The following SEC16A variants were observed in gnomAD, a reference collection of about 807,000 sequenced individuals.
SEC16A encodes SEC16 homolog A, endoplasmic reticulum export factor.
A neutral mutation model predicts 221.9 loss-of-function variants in SEC16A; 110 were observed. That is an observed-to-expected ratio of 0.50 (90% confidence interval 0.42 to 0.58). SEC16A has a LOEUF of 0.58. SEC16A is among the 20% of genes least tolerant of loss of function. The probability of loss-of-function intolerance (pLI) is 0.00; values close to 1 mark genes in which losing one functional copy is unlikely to be tolerated. For synonymous variants in SEC16A, 1,393 were observed against 1,257.7 expected, an observed-to-expected ratio of 1.11 and a Z score of -2.28; for missense variants, 3,165 against 3,097.8, an observed-to-expected ratio of 1.02 and a Z score of -0.52.
At chr9:136,483,479 GC>G (rs1361985145), upstream of SEC16A, 4 of 518,892 alleles carry the variant, frequency 7.7e-6, no homozygotes, top group Middle Eastern at 1.0e-3. Context: ...CCGTGGCCCC[GC>G]CCCCCTCCGG....
Position 136,456,082 on chromosome 9 carries a change from G to A in SEC16A, c.5635C>T (p.His1879Tyr). The A allele has an allele frequency of 6.2e-7, 1 of 1,613,010 alleles. No individual in the cohort carries two copies. The highest frequency in any genetic ancestry group is 1.1e-5 in the South Asian group (1 of 91,026). ...ESLAAPTWLV[H>Y]LQQVERQIKE... ...ATCTGCCGCTCCACCTGCTGCAGGTGAACCAGCCACGTGGGTGCGGCCAAG... is the reference window on the plus strand; with the variant it reads ...ATCTGCCGCTCCACCTGCTGCAGGTAAACCAGCCACGTGGGTGCGGCCAAG... The change falls in exon 19 of 32, where the codon CAC becomes TAC. Residue 1879 changes from histidine to tyrosine, a missense_variant. By Grantham distance (83) the His-to-Tyr change is moderately conservative. Coordinates refer to ENST00000684901, the MANE Select transcript of SEC16A (RefSeq NM_014866.2).
intron 29 of SEC16A, among the ~76,000 whole-genome samples, chr9:136,445,378 T>C (rs1836820933): frequency 6.6e-6 from 1 of 152,174 alleles, no homozygotes; most frequent in Non-Finnish European, 1.5e-5. Context: ...CACCTCACAA[T>C]TCAAGACAAT....
At position 136,463,739 on chromosome 9, in the gene SEC16A, G is replaced by A. The variant is rs774523830; in HGVS notation, c.4448C>T (p.Ala1483Val). The A allele has an allele frequency of 4.3e-6, 7 of 1,611,706 alleles. No homozygotes were observed. The African/African-American group carries it at 9.3e-5, about 22-fold the overall frequency. ...PALVEVHSME[A>V]LLQHTSEQEE... ...CTGCTCAGACGTGTGCTGCAGCAAG[G>A]CCTACGAGGAGAGGGCCGTGGGTCA... is the stretch of plus-strand genomic sequence containing the variant. Residue 1483 changes from alanine (A) to valine (V), a missense_variant and splice_region_variant, in exon 10 of 32, where the codon GCC (alanine) becomes GTC (valine). Physicochemically the swap from Ala to Val is moderately conservative, Grantham distance 64. This residue lies in a region of SEC16A where 47 missense variants were observed against 85.0 expected (regional missense o/e 0.55). Transcript: ENST00000684901.
At chr9:136,449,161 G>A (rs528019262) in intron 23 of SEC16A, among the ~76,000 whole-genome samples, 10 of 152,032 alleles carry the variant, frequency 6.6e-5, no homozygotes, top group Non-Finnish European at 1.2e-4. Flanking sequence ...AGTGTGTGTC[G>A]GAGGCAGATA....
chr9:136,463,779 G>A (rs749228024), intron 9 of SEC16A, 39 bp from the exon 10 acceptor site: 33 of 1,608,352 alleles, frequency 2.1e-5, no homozygotes, highest in Middle Eastern at 2.2e-4. Context: ...CAGCCAGTGC[G>A]CAGCCACCCT....
At chr9:136,482,099 G>A (rs1326148098) in intron 1 of SEC16A, among the ~76,000 whole-genome samples, 1 of 152,182 alleles carries the variant, frequency 6.6e-6, no homozygotes, top group Non-Finnish European at 1.5e-5. Context: ...CAAGGAACAA[G>A]AAAGACACGC....
chr9:136,477,092 G>A lies in SEC16A; in HGVS notation c.524C>T (p.Pro175Leu), dbSNP rs753596031. Reference protein sequence around the residue: ...VDPETSHGGHPHGNMPGLDRP... With the variant: ...VDPETSHGGHLHGNMPGLDRP... ...GTCGAGCCCAGGCATGTTCCCATGA[G>A]GGTGGCCCCCATGAGACGTTTCAGG... Residue 175 changes from proline (P) to leucine (L), a missense_variant, in exon 3 of 32, where the codon CCT (proline) becomes CTT (leucine). Physicochemically the swap from Pro to Leu is moderately conservative, Grantham distance 98. Coordinates refer to ENST00000684901, the MANE Select transcript of SEC16A (RefSeq NM_014866.2). The A allele has an allele frequency of 6.2e-7, 1 of 1,613,864 alleles. No individual in the cohort carries two copies. The highest frequency in any genetic ancestry group is 1.7e-5 in the Admixed American group (1 of 60,022).
chr9:136,444,215 C>A (rs1368663584), intron 30 of SEC16A: 2 of 210,080 alleles, frequency 9.5e-6, no homozygotes, highest in Non-Finnish European at 1.9e-5. Context: ...CTCTAAGGCT[C>A]CAGCCATGAC....
chr9:136,484,246 C>G, upstream of SEC16A: 4 of 596,686 alleles, frequency 6.7e-6, no homozygotes, highest in Non-Finnish European at 8.8e-6. Context: ...ACGTCGGTGG[C>G]GAGTGGGCCC....
In SEC16A at chr9:136,474,970, G is replaced by A. The variant is rs1456516936; in HGVS notation, c.2646C>T (p.Asn882=). Residue 882 remains asparagine, a synonymous_variant, in exon 3 of 32, where the codon AAC becomes AAT. Coordinates refer to ENST00000684901, the MANE Select transcript of SEC16A (RefSeq NM_014866.2). ...TGGTTGGAATCCCAGACAAAGAAGT[G>A]TTCTCCCCAGAATCACCACCGAGAG... The part of the protein sequence containing the change: ...SWALGGDSGE[N]TSLSGIPTSS... The A allele has an allele frequency of 1.3e-6, 2 of 1,599,460 alleles. No individual in the cohort carries two copies. The highest frequency in any genetic ancestry group is 1.7e-6 in the Non-Finnish European group (2 of 1,172,156).
chr9:136,475,066 C>G lies in SEC16A; in HGVS notation c.2550G>C (p.Ser850=), dbSNP rs750113232. Residue 850 remains serine (S), a synonymous_variant, in exon 3 of 32, where the codon TCG becomes TCC. Transcript: ENST00000684901. The surrounding 1 kb of genome is among the most constrained non-coding windows in gnomAD (Gnocchi z 5.0). ...AQPINFSVSL[S]NSHEKNQSWR... is the part of the protein sequence containing the mutation. ...AGGACTGATTCTTCTCATGAGAGTTCGATAAGGACACAGAAAAGTTAATGG... is the reference window on the plus strand; with the variant it reads ...AGGACTGATTCTTCTCATGAGAGTTGGATAAGGACACAGAAAAGTTAATGG... 1.2e-6 allele frequency: 2 copies of G among 1,613,386 alleles called. No individual in the cohort carries two copies. Among genetic ancestry groups the G allele is most frequent in the South Asian group, 1.1e-5 (1 of 91,038 alleles).
At chr9:136,483,848 C>T (rs1015736800), upstream of SEC16A, 9 of 968,712 alleles carry the variant, frequency 9.3e-6, no homozygotes, top group African/African-American at 1.4e-4. Flanking sequence ...CGCGGAGGGC[C>T]GACTGCGCCT....
chr9:136,469,302 C>G (rs748326303), intron 4 of SEC16A, among the ~76,000 whole-genome samples: 6 of 152,346 alleles, frequency 3.9e-5, no homozygotes, highest in East Asian at 1.9e-4. Flanking sequence ...CCACCTCCCC[C>G]TCAGGTCTCC....
chr9:136,460,431 G>A (rs1221457447), intron 13 of SEC16A, among the ~76,000 whole-genome samples: 1 of 151,884 alleles, frequency 6.6e-6, no homozygotes, highest in African/African-American at 2.4e-5. Flanking sequence ...CTCTAGCCTG[G>A]GTGACAGAGC....
rs1841307620 is a variant in SEC16A, at chr9:136,474,255, T to C, written c.3361A>G (p.Ser1121Gly). The C allele has an allele frequency of 2.5e-6, 4 of 1,608,796 alleles. No individual in the cohort carries two copies. Among genetic ancestry groups the C allele is most frequent in the East Asian group, 2.2e-5 (1 of 44,754 alleles). ...QLPPRPPQSS[S>G]VSLVSSGSGQ... Reference sequence around the variant, plus strand: ...GAGCCACTGGACACCAGAGACACGCTAGAGGACTGAGGAGGCCGAGGGGGC... The same window carrying C: ...GAGCCACTGGACACCAGAGACACGCCAGAGGACTGAGGAGGCCGAGGGGGC... The change falls in exon 3 of 32, where the codon AGC becomes GGC. Residue 1121 changes from serine to glycine, a missense_variant. Transcript: ENST00000684901.
chr9:136,462,830 C>A, intron 12 of SEC16A, 57 bp downstream of exon 12: 1 of 1,572,554 alleles, frequency 6.4e-7, no homozygotes, highest in Non-Finnish European at 8.6e-7. Context: ...CAACCCCGCA[C>A]CAGGCCCGAC....
At chr9:136,471,954 C>A (rs1308306697) in intron 4 of SEC16A, 21 bp downstream of exon 4, 1 of 1,609,318 alleles carries the variant, frequency 6.2e-7, no homozygotes, top group East Asian at 2.2e-5. Context: ...AGAGAGGCAG[C>A]CAGGGTGGGC....
intron 13 of SEC16A, 32 bp from the exon 14 acceptor site, chr9:136,460,155 G>C (rs1392704784): frequency 1.3e-6 from 2 of 1,548,472 alleles, no homozygotes; most frequent in Non-Finnish European, 1.8e-6. Context: ...AAGACCCCAT[G>C]CTGGCTCAGC....
At chr9:136,468,030 A>G (rs1188905860) in intron 5 of SEC16A, among the ~76,000 whole-genome samples, 1 of 152,230 alleles carries the variant, frequency 6.6e-6, no homozygotes, top group South Asian at 2.1e-4. Flanking sequence ...AGTGCGGGAA[A>G]CACGGCTGGT....
Sources: gnomAD v4.1 joint callset for allele counts (sites outside exome capture counted in the v4.1 genomes callset) on GRCh38, gnomAD v4.1.1 for gene constraint, gnomAD v4.1.1 regional missense constraint, Gnocchi (gnomAD v3.1) non-coding constraint, MANE v1.5 for transcripts, NCBI Gene and HGNC (gene_info 2026-07-23, HGNC 2026-07-21) for gene names.